CNBD1: variants seen among roughly 807,000 people sequenced by gnomAD.
CNBD1 encodes the protein cyclic nucleotide binding domain containing 1.
Under a neutral mutation model 54.4 loss-of-function variants are expected in CNBD1, and 71 were observed. That is an observed-to-expected ratio of 1.30 (90% CI 1.08 to 1.59). CNBD1 has a LOEUF of 1.59. Ranked by LOEUF, CNBD1 falls within the 40% of genes most tolerant of loss-of-function variation. The probability of loss-of-function intolerance (pLI) is 0.00; values close to 1 mark genes in which losing one functional copy is unlikely to be tolerated. For synonymous variants in CNBD1, 182 were observed against 170.7 expected, an observed-to-expected ratio of 1.07 and a Z score of -0.51; for missense variants, 659 against 518.0, an observed-to-expected ratio of 1.27 and a Z score of -2.64.
In CNBD1 at chr8:87,182,542, C is replaced by G. The variant is rs115052342; in HGVS notation, c.432-23451C>G. On this transcript the variant is annotated intron_variant, in intron 4 of 10. Transcript: ENST00000518476. This position sits in a 1 kb window ranked among gnomAD's most constrained non-coding sequence, Gnocchi z 4.1. ...GCAAGAATTCCCTTTTCTCCACAAC[C>G]TTTCCAGCATTTGTTATTTTTTGAC... 7.1e-3 allele frequency among the ~76,000 whole-genome samples: 1,074 copies of G among 152,184 alleles called. 13 individuals are homozygous for G. The highest frequency in any genetic ancestry group is 0.025 in the African/African-American group (1,036 of 41,510).
chr8:87,084,006 G>A (rs1811050022), intron 4 of CNBD1, among the ~76,000 whole-genome samples: 2 of 152,156 alleles, frequency 1.3e-5, no homozygotes, highest in Non-Finnish European at 1.5e-5. Flanking sequence ...TGAGGGCTAT[G>A]TCATGGCCCA....
intron 4 of CNBD1, among the ~76,000 whole-genome samples, chr8:87,063,994 A>G (rs190060940): frequency 1.3e-5 from 2 of 152,162 alleles, no homozygotes; most frequent in East Asian, 1.9e-4. Context: ...TCAAAAATTT[A>G]TCTGTCATTT....
At chr8:87,014,139 C>T (rs1244723819) in intron 4 of CNBD1, among the ~76,000 whole-genome samples, 1 of 149,986 alleles carries the variant, frequency 6.7e-6, no homozygotes, top group African/African-American at 2.5e-5. Context: ...AAATCAAATA[C>T]AGAAAACAAA....
At chr8:86,977,650 A>T (rs1005543369) in intron 4 of CNBD1, among the ~76,000 whole-genome samples, 3 of 152,130 alleles carry the variant, frequency 2.0e-5, no homozygotes, top group African/African-American at 7.2e-5. Flanking sequence ...TCATCAGATA[A>T]ATTCCTGGAA....
At chr8:87,021,489 A>G (rs1223380589) in intron 4 of CNBD1, among the ~76,000 whole-genome samples, 1 of 152,220 alleles carries the variant, frequency 6.6e-6, no homozygotes, top group Non-Finnish European at 1.5e-5. Context: ...ACTGACATAC[A>G]TTTTAGTTTT....
intron 4 of CNBD1, among the ~76,000 whole-genome samples, chr8:87,076,469 GTC>G (rs1313369208): frequency 1.3e-5 from 2 of 151,262 alleles, no homozygotes; most frequent in Non-Finnish European, 2.9e-5. Context: ...TTGAGACAGA[GTC>G]TCACACTGTT....
chr8:87,319,899 G>T (rs1295421412), intron 8 of CNBD1, among the ~76,000 whole-genome samples: 2 of 151,920 alleles, frequency 1.3e-5, no homozygotes, highest in Non-Finnish European at 1.5e-5. Flanking sequence ...ATTGGATTTT[G>T]TCCTAAGTTC....
chr8:86,939,223 TA>T (rs558049393), intron 3 of CNBD1, among the ~76,000 whole-genome samples: 14 of 151,106 alleles, frequency 9.3e-5, no homozygotes, highest in Admixed American at 1.3e-4. Flanking sequence ...TCCTTGGTGC[TA>T]AAAAAAAACA....
intron 8 of CNBD1, among the ~76,000 whole-genome samples, chr8:87,322,316 C>A (rs1809555032): frequency 8.3e-6 from 1 of 121,188 alleles, no homozygotes; most frequent in Non-Finnish European, 1.8e-5. Flanking sequence ...TGGGTATATA[C>A]CCAGTAATGG....
At chr8:86,894,202 C>T (rs1808816242) in intron 2 of CNBD1, among the ~76,000 whole-genome samples, 1 of 149,150 alleles carries the variant, frequency 6.7e-6, no homozygotes, top group African/African-American at 2.5e-5. Flanking sequence ...GCTGGGACTA[C>T]AGGCGCCCGC....
chr8:87,191,228 G>A (rs1488081086), intron 4 of CNBD1, among the ~76,000 whole-genome samples: 2 of 152,000 alleles, frequency 1.3e-5, no homozygotes, highest in African/African-American at 4.8e-5. Flanking sequence ...GAGTCCAAAG[G>A]CCAAAGACTG....
intron 4 of CNBD1, among the ~76,000 whole-genome samples, chr8:87,036,918 T>C (rs1444474102): frequency 6.6e-6 from 1 of 152,204 alleles, no homozygotes; most frequent in Admixed American, 6.5e-5. Flanking sequence ...GCCTTCATCC[T>C]GTGAAGTCCC....
intron 4 of CNBD1, among the ~76,000 whole-genome samples, chr8:87,118,278 G>T (rs541948927): frequency 2.3e-3 from 299 of 131,564 alleles, no homozygotes; most frequent in African/African-American, 8.5e-3. Flanking sequence ...TTGCACAACT[G>T]CCCTCCAGCC....
Position 87,023,758 on chromosome 8 carries a change from G to C in CNBD1, c.431+84004G>C, listed in dbSNP as rs1038800842. On this transcript the variant is annotated intron_variant, in intron 4 of 10. Coordinates refer to ENST00000518476, the MANE Select transcript of CNBD1 (RefSeq NM_173538.3). ...ACCTGCTTTGTTAGTGTGGCTGGAT[G>C]TCTTGGCTTGCCAGAAAACCTTGGC... Among the ~76,000 whole-genome samples, 5 of 152,172 alleles carry C rather than the reference G, an allele frequency of 3.3e-5. 1 individual carries two copies. Among genetic ancestry groups the C allele is most frequent in the Non-Finnish European group, 5.9e-5 (4 of 68,042 alleles).
intron 9 of CNBD1, 102 bp downstream of exon 9, chr8:87,351,896 T>TATACA: frequency 2.5e-6 from 3 of 1,181,686 alleles, no homozygotes; most frequent in South Asian, 5.4e-5. Context: ...TGTATTACTT[T>TATACA]GTGAAATTTC....
chr8:86,934,262 A>C (rs1335176099), intron 3 of CNBD1, among the ~76,000 whole-genome samples: 1 of 152,186 alleles, frequency 6.6e-6, no homozygotes, highest in Non-Finnish European at 1.5e-5. Context: ...TAACAGCTTT[A>C]AATTACATAT....
chr8:87,373,285 G>A (rs568347329), intron 10 of CNBD1, among the ~76,000 whole-genome samples: 8 of 151,722 alleles, frequency 5.3e-5, no homozygotes, highest in Middle Eastern at 3.4e-3. Context: ...CTAATATAGC[G>A]GTATTAGTTT....
At chr8:87,422,263 A>G (rs1315251561) in intron 2 of CNBD1, among the ~76,000 whole-genome samples, 1 of 145,026 alleles carries the variant, frequency 6.9e-6, no homozygotes, top group Non-Finnish European at 1.5e-5. Context: ...TGCTGTGCAG[A>G]AGCTCTTTAG....
At chr8:87,187,200 A>G (rs1416550015) in intron 4 of CNBD1, among the ~76,000 whole-genome samples, 1 of 151,360 alleles carries the variant, frequency 6.6e-6, no homozygotes, top group Non-Finnish European at 1.5e-5. Flanking sequence ...ATATCTGCAC[A>G]TATCTATCTA....
Sources: gnomAD v4.1 joint callset for allele counts (sites outside exome capture counted in the v4.1 genomes callset) on GRCh38, gnomAD v4.1.1 for gene constraint, Gnocchi (gnomAD v3.1) non-coding constraint, MANE v1.5 for transcripts, NCBI Gene and HGNC (gene_info 2026-07-23, HGNC 2026-07-21) for gene names.